GULP1: variants seen among roughly 807,000 people sequenced by gnomAD.
The protein encoded by GULP1 is GULP PTB domain containing engulfment adaptor 1, also known as PTB domain-containing engulfment adapter protein 1.
A neutral mutation model predicts 40.9 loss-of-function variants in GULP1; 19 were observed. That is an observed-to-expected ratio of 0.46 (90% CI 0.32 to 0.68). The LOEUF is 0.68. Ranked by LOEUF, GULP1 falls within the 30% of genes least tolerant of loss-of-function variation. The probability of loss-of-function intolerance (pLI) is 0.03; values close to 1 mark genes in which losing one functional copy is unlikely to be tolerated. For synonymous variants in GULP1, 119 were observed against 117.6 expected, an observed-to-expected ratio of 1.01 and a Z score of -0.08; for missense variants, 312 against 362.2, an observed-to-expected ratio of 0.86 and a Z score of 1.12.
chr2:188,371,005 T>C (rs1300852705), intron 1 of GULP1, among the ~76,000 whole-genome samples: 1 of 152,184 alleles, frequency 6.6e-6, no homozygotes, highest in South Asian at 2.1e-4. Context: ...GAGCATTTAC[T>C]ATTTCCCAGG....
At chr2:188,355,027 A>G (rs1056989723) in intron 1 of GULP1, among the ~76,000 whole-genome samples, 7 of 152,144 alleles carry the variant, frequency 4.6e-5, no homozygotes, top group African/African-American at 7.2e-5. Flanking sequence ...ACCAAAACCT[A>G]TGGGATATAG....
At chr2:188,444,222 G>T (rs755950366) in intron 2 of GULP1, among the ~76,000 whole-genome samples, 16 of 152,126 alleles carry the variant, frequency 1.1e-4, no homozygotes, top group Non-Finnish European at 2.1e-4. Context: ...TGCATAATAT[G>T]ATGACTGTAG....
At chr2:188,424,523 C>T (rs186968026) in intron 2 of GULP1, among the ~76,000 whole-genome samples, 371 of 151,836 alleles carry the variant, frequency 2.4e-3, no homozygotes, top group African/African-American at 7.9e-3. Flanking sequence ...GTGTGAATTT[C>T]TAAAAAAGAA....
intron 5 of GULP1, among the ~76,000 whole-genome samples, chr2:188,527,971 G>T (rs1169252445): frequency 6.6e-6 from 1 of 152,138 alleles, no homozygotes; most frequent in Non-Finnish European, 1.5e-5. Context: ...GTCAGGTTGG[G>T]ATGATCTATA....
Position 188,458,478 on chromosome 2 carries a change from A to G in GULP1, c.-44-19181A>G, listed in dbSNP as rs143615315. Among the ~76,000 whole-genome samples the G allele has an allele frequency of 3.9e-3, 595 of 152,148 alleles. 4 individuals are homozygous for G. The highest frequency in any genetic ancestry group is 0.013 in the African/African-American group (547 of 41,504). On this transcript the variant is annotated intron_variant, in intron 2 of 11. Transcript: ENST00000409830. ...ACCAGTCAGGCTCTTCTAGCCCCCT[A>G]TCCTCTGAAAATACAATGCAAAAGT...
chr2:188,417,956 A>G (rs1435375271), intron 2 of GULP1, among the ~76,000 whole-genome samples: 2 of 150,600 alleles, frequency 1.3e-5, no homozygotes, highest in Non-Finnish European at 3.0e-5. Flanking sequence ...CACACAGCTG[A>G]TTTTTTTTTG....
chr2:188,401,591 G>GA (rs200170442), intron 2 of GULP1, among the ~76,000 whole-genome samples: 18 of 151,662 alleles, frequency 1.2e-4, no homozygotes, highest in Middle Eastern at 3.4e-3. Context: ...TGATTTATGA[G>GA]AAAAAAAAGT....
intron 2 of GULP1, among the ~76,000 whole-genome samples, chr2:188,435,554 A>G (rs1230300939): frequency 1.3e-5 from 2 of 152,062 alleles, no homozygotes; most frequent in Non-Finnish European, 2.9e-5. Context: ...GCTTAAAATT[A>G]CAGCCATTTA....
chr2:188,403,209 A>G lies in GULP1; in HGVS notation c.-45+19320A>G, dbSNP rs547849779. ...AAGTCTCTCATATTTCATTCATTTC[A>G]GATTCCTTAACTCCTCTCTCCTAAT... On this transcript the variant is annotated intron_variant, in intron 2 of 11. Coordinates refer to ENST00000409830, the MANE Select transcript of GULP1 (RefSeq NM_016315.4). Among the ~76,000 whole-genome samples the G allele has an allele frequency of 2.0e-5, 3 of 152,240 alleles. No individual in the cohort carries two copies. The East Asian group carries it at 5.8e-4, about 29-fold the overall frequency.
At chr2:188,424,395 T>G (rs1189894769) in intron 2 of GULP1, among the ~76,000 whole-genome samples, 1 of 151,904 alleles carries the variant, frequency 6.6e-6, no homozygotes, top group East Asian at 1.9e-4. Context: ...ACTGTCCACC[T>G]TCATTGATTT....
chr2:188,448,538 A>C (rs1436253278), intron 2 of GULP1, among the ~76,000 whole-genome samples: 1 of 152,212 alleles, frequency 6.6e-6, no homozygotes, highest in Non-Finnish European at 1.5e-5. Flanking sequence ...TCAGATATTT[A>C]GTGTCTTACC....
intron 2 of GULP1, among the ~76,000 whole-genome samples, chr2:188,465,360 C>T (rs1372412381): frequency 6.6e-6 from 1 of 151,764 alleles, no homozygotes; most frequent in Non-Finnish European, 1.5e-5. Context: ...CTATCCTGCC[C>T]TGGCTGAGCT....
At chr2:188,576,786 T>G (rs1279210200) in intron 9 of GULP1, among the ~76,000 whole-genome samples, 1 of 152,126 alleles carries the variant, frequency 6.6e-6, no homozygotes, top group Admixed American at 6.5e-5. Flanking sequence ...TTTCCGTTAC[T>G]TGACTGTGCT....
rs1294279753 is a variant in GULP1 at position 188,291,963 on chromosome 2, G to A, written c.-375G>A. ...TGGATTCGGCGGATTAGGAAGAGGA[G>A]GGAGGGGGGAGAGAGCGCGAAGAGG... is the stretch of plus-strand genomic sequence containing the variant. On this transcript the variant is annotated 5_prime_UTR_variant, in exon 1 of 12. Transcript: ENST00000409830. The A allele has an allele frequency of 6.6e-6, 1 of 151,806 alleles. No individual in the cohort carries two copies. Among genetic ancestry groups the A allele is most frequent in the African/African-American group, 2.4e-5 (1 of 40,850 alleles). The allele number at this position is 151,806 out of a possible 1,614,324, so 9.4% of individuals were successfully genotyped here.
intron 4 of GULP1, among the ~76,000 whole-genome samples, chr2:188,505,663 T>C (rs1218436976): frequency 1.3e-5 from 2 of 151,842 alleles, no homozygotes; most frequent in African/African-American, 2.4e-5. Context: ...CATTCTGGGC[T>C]AGTAATAGAA....
rs942173168 is a variant in GULP1 at position 188,522,698 on chromosome 2, A to G, written c.91-58A>G. On this transcript the variant is annotated intron_variant, in intron 4 of 11. Transcript: ENST00000409830. Reference sequence around the variant, plus strand: ...CTATTATGCAATCTTATATTTCAACATGATGCAATGATATATGATATGGTA... The same window carrying G: ...CTATTATGCAATCTTATATTTCAACGTGATGCAATGATATATGATATGGTA... 2.4e-5 allele frequency: 24 copies of G among 990,660 alleles called. No homozygotes were observed. The African/African-American group carries it at 3.0e-4, about 12-fold the overall frequency. The allele number at this position is 990,660 out of a possible 1,614,324, so 61.4% of individuals were successfully genotyped here.
intron 2 of GULP1, among the ~76,000 whole-genome samples, chr2:188,452,459 T>C (rs1186954810): frequency 6.6e-6 from 1 of 152,234 alleles, no homozygotes; most frequent in African/African-American, 2.4e-5. Context: ...GACTGTGTTT[T>C]TCCCCACATA....
At chr2:188,436,209 A>T (rs1363585968) in intron 2 of GULP1, among the ~76,000 whole-genome samples, 3 of 151,882 alleles carry the variant, frequency 2.0e-5, no homozygotes, top group Non-Finnish European at 4.4e-5. Context: ...TTTGTTGTAG[A>T]TTTTGTTCCT....
chr2:188,583,058 G>C (rs1301619068), intron 9 of GULP1, among the ~76,000 whole-genome samples: 1 of 152,110 alleles, frequency 6.6e-6, no homozygotes, highest in African/African-American at 2.4e-5. Context: ...CAAGATTTTA[G>C]AATTTTTGTA....
Sources: gnomAD v4.1 joint callset for allele counts (sites outside exome capture counted in the v4.1 genomes callset) on GRCh38, gnomAD v4.1.1 for gene constraint, MANE v1.5 for transcripts, NCBI Gene and HGNC (gene_info 2026-07-23, HGNC 2026-07-21) for gene names.